Variants in SERPINA3 observed in about 807,000 individuals in gnomAD.
The protein encoded by SERPINA3 is alpha-1-antichymotrypsin.
A neutral mutation model predicts 26.8 loss-of-function variants in SERPINA3; 32 were observed. That is an observed-to-expected ratio of 1.20 (90% CI 0.90 to 1.61). SERPINA3 has a LOEUF of 1.61. SERPINA3 is among the 40% of genes most tolerant of loss of function. SERPINA3 has a pLI of 0.00. For missense variants in SERPINA3, 632 were observed against 517.9 expected, an observed-to-expected ratio of 1.22 and a Z score of -2.14; for synonymous variants, 252 against 206.4, an observed-to-expected ratio of 1.22 and a Z score of -1.89.
chr14:94,616,527 G>A (rs1168243681), intron 2 of SERPINA3, among the ~76,000 whole-genome samples: 1 of 152,124 alleles, frequency 6.6e-6, no homozygotes, highest in Non-Finnish European at 1.5e-5. Flanking sequence ...TCAGAACCCT[G>A]GAGTGCTTGT....
intron 3 of SERPINA3, among the ~76,000 whole-genome samples, chr14:94,620,354 G>A (rs573076067): frequency 1.3e-5 from 2 of 152,334 alleles, no homozygotes; most frequent in South Asian, 4.1e-4. Context: ...AGGATGAAGA[G>A]TGCGCTGGCA....
Position 94,623,986 on chromosome 14 carries a change from A to G in SERPINA3, c.*172A>G, listed in dbSNP as rs1221455946. On this transcript the variant is annotated 3_prime_UTR_variant, in exon 5 of 5. Coordinates refer to ENST00000393078, the MANE Select transcript of SERPINA3 (RefSeq NM_001085.5). Reference sequence around the variant, plus strand: ...TTCCCTGTGTAGCTCTCACATGCACAGGGGCCCATGGACTCTTCAGTCTGG... The same window carrying G: ...TTCCCTGTGTAGCTCTCACATGCACGGGGGCCCATGGACTCTTCAGTCTGG... The G allele has an allele frequency of 7.3e-6, 5 of 687,520 alleles. No individual in the cohort carries two copies. Among genetic ancestry groups the G allele is most frequent in the Non-Finnish European group, 1.3e-5 (5 of 381,442 alleles). 42.6% of individuals were successfully genotyped at this position (687,520 alleles called of 1,614,324 possible). A position where few individuals can be genotyped will look rare whatever the true frequency, so the allele number is the denominator to read the frequency against.
At chr14:94,619,843 A>G (rs982276282) in intron 3 of SERPINA3, 5 of 332,606 alleles carry the variant, frequency 1.5e-5, no homozygotes, top group African/African-American at 2.1e-5. Flanking sequence ...TCAGTTCTGC[A>G]CTGGTGAACC....
At chr14:94,618,757 GC>G (rs1269634630) in intron 2 of SERPINA3, 1 of 261,132 alleles carries the variant, frequency 3.8e-6, no homozygotes, top group African/African-American at 2.2e-5. Flanking sequence ...TCCACCCAAA[GC>G]CCTCCCACAA....
rs970400542 is a variant in SERPINA3 at position 94,619,099 on chromosome 14, A to G, written c.644-96A>G. On this transcript the variant is annotated intron_variant, in intron 2 of 4. Coordinates refer to ENST00000393078, the MANE Select transcript of SERPINA3 (RefSeq NM_001085.5). ...TCTAAACCAAAGCAGGGTCCCTCCTATGAGGGACTCTGGGCACTTCCACTG... is the reference window on the plus strand; with the variant it reads ...TCTAAACCAAAGCAGGGTCCCTCCTGTGAGGGACTCTGGGCACTTCCACTG... 4.2e-6 allele frequency: 6 copies of G among 1,422,922 alleles called. No individual in the cohort carries two copies. In the Admixed American group the frequency reaches 5.0e-5, roughly 12 times the overall value. 88.1% of individuals were successfully genotyped at this position (1,422,922 alleles called of 1,614,324 possible). A position where few individuals can be genotyped will look rare whatever the true frequency, so the allele number is the denominator to read the frequency against.
In SERPINA3 at chr14:94,619,075, C is replaced by G. The variant is rs572907933; in HGVS notation, c.644-120C>G. 25 of 1,187,514 alleles carry G rather than the reference C, an allele frequency of 2.1e-5. No individual in the cohort carries two copies. In the South Asian group the frequency reaches 2.8e-4, roughly 13 times the overall value. The allele number at this position is 1,187,514 out of a possible 1,614,324, so 73.6% of individuals were successfully genotyped here. On this transcript the variant is annotated intron_variant, in intron 2 of 4. Transcript: ENST00000393078. ...CTTTTACTCTTGCCAAGCTACTTCT[C>G]TAAACCAAAGCAGGGTCCCTCCTAT...
At chr14:94,613,927 A>G (rs1345980374) in intron 1 of SERPINA3, 1 of 165,392 alleles carries the variant, frequency 6.0e-6, no homozygotes, top group Non-Finnish European at 1.3e-5. Flanking sequence ...AGAGGCTGGG[A>G]GAGTCACTGT....
rs564812290 is a variant in SERPINA3 at position 94,616,151 on chromosome 14, G to A, written c.643+1067G>A. Among the ~76,000 whole-genome samples the A allele has an allele frequency of 1.1e-4, 16 of 152,272 alleles. No individual in the cohort carries two copies. In the East Asian group the frequency reaches 3.1e-3, roughly 29 times the overall value. On this transcript the variant is annotated intron_variant, in intron 2 of 4. Coordinates refer to ENST00000393078, the MANE Select transcript of SERPINA3 (RefSeq NM_001085.5). Reference sequence around the variant, plus strand: ...CTCGCCTCCTACTACCTAGCCCTATGCTAGGACTCTCCCCTCCAGGACACA... The same window carrying A: ...CTCGCCTCCTACTACCTAGCCCTATACTAGGACTCTCCCCTCCAGGACACA...
intron 3 of SERPINA3, among the ~76,000 whole-genome samples, chr14:94,621,803 A>G (rs995039324): frequency 6.6e-6 from 1 of 152,086 alleles, no homozygotes; most frequent in Non-Finnish European, 1.5e-5. Context: ...CCTCCCTGAA[A>G]CACTGAGATC....
In SERPINA3 at chr14:94,622,496, G is replaced by T. The variant is rs1438750053; in HGVS notation, c.1068+5G>T. The T allele has an allele frequency of 6.2e-7, 1 of 1,613,896 alleles. No individual in the cohort carries two copies. Among genetic ancestry groups the T allele is most frequent in the African/African-American group, 1.3e-5 (1 of 74,940 alleles). ...AGGAACCTAGCAGTCTCCCAGGTGA[G>T]TCTTTAGACTTGGGTCAATTCATCC... On this transcript the variant is annotated splice_donor_5th_base_variant and intron_variant, in intron 4 of 4. Transcript: ENST00000393078.
chr14:94,615,087 G>T lies in SERPINA3; in HGVS notation c.643+3G>T. ...GGTGAATTACATCTTCTTTAAAGGT[G>T]AGTGTGCCTGGCTTGGGGTTCAGAA... On this transcript the variant is annotated splice_donor_region_variant and intron_variant, in intron 2 of 4. Coordinates refer to ENST00000393078, the MANE Select transcript of SERPINA3 (RefSeq NM_001085.5). 1 of 1,613,682 alleles carries T rather than the reference G, an allele frequency of 6.2e-7. No individual in the cohort carries two copies. Among genetic ancestry groups the T allele is most frequent in the Non-Finnish European group, 8.5e-7 (1 of 1,180,034 alleles).
chr14:94,621,463 G>T (rs2402482), intron 3 of SERPINA3, among the ~76,000 whole-genome samples: 64,952 of 151,998 alleles, frequency 0.43, 15,090 homozygotes, highest in African/African-American at 0.62. Flanking sequence ...TCCTCCTTCA[G>T]GGGACTCAGA....
chr14:94,617,275 G>A (rs980619693), intron 2 of SERPINA3, among the ~76,000 whole-genome samples: 2 of 152,194 alleles, frequency 1.3e-5, no homozygotes, highest in African/African-American at 4.8e-5. Context: ...TTTGTCCCCA[G>A]TCATTCCATG....
At chr14:94,622,650 G>C in intron 4 of SERPINA3, 159 bp downstream of exon 4, 1 of 782,076 alleles carries the variant, frequency 1.3e-6, no homozygotes, top group Non-Finnish European at 2.2e-6. Context: ...AGAAGAGCTA[G>C]GTTACAGCCC....
chr14:94,619,011 C>T (rs1886096195), intron 2 of SERPINA3, 184 bp from the exon 3 acceptor site: 2 of 674,660 alleles, frequency 3.0e-6, no homozygotes, highest in South Asian at 3.4e-5. Flanking sequence ...GGCCCTTTTC[C>T]CAATCCAAGC....
chr14:94,619,358 A>C lies in SERPINA3; in HGVS notation c.807A>C (p.Thr269=). The change falls in exon 3 of 5, where the codon ACA becomes ACC. Residue 269 remains threonine (T), a synonymous_variant. Coordinates refer to ENST00000393078, the MANE Select transcript of SERPINA3 (RefSeq NM_001085.5). ...LSCTVVELKY[T]GNASALFILP... ...GCACCGTGGTGGAGCTGAAGTACAC[A>C]GGCAATGCCAGCGCACTCTTCATCC... 1 of 1,614,194 alleles carries C rather than the reference A, an allele frequency of 6.2e-7. No individual in the cohort carries two copies. The highest frequency in any genetic ancestry group is 8.5e-7 in the Non-Finnish European group (1 of 1,180,036).
At position 94,623,708 on chromosome 14, in the gene SERPINA3, C is replaced by G; in HGVS notation, c.1166C>G (p.Thr389Arg). Residue 389 changes from threonine to arginine, a missense_variant, in exon 5 of 5, where the codon ACA (threonine) becomes AGA (arginine). Thr to Arg is a moderately conservative substitution (Grantham distance 71). Coordinates refer to ENST00000393078, the MANE Select transcript of SERPINA3 (RefSeq NM_001085.5). ...ACCCTCCTTTCTGCATTAGTGGAGA[C>G]AAGGACCATTGTGCGTTTCAACAGG... ...KITLLSALVE[T>R]RTIVRFNRPF... 1.9e-6 allele frequency: 3 copies of G among 1,614,124 alleles called. No homozygotes were observed. Among genetic ancestry groups the G allele is most frequent in the Non-Finnish European group, 2.5e-6 (3 of 1,179,944 alleles).
At chr14:94,618,866 T>G in intron 2 of SERPINA3, 1 of 466,908 alleles carries the variant, frequency 2.1e-6, no homozygotes, top group Admixed American at 3.4e-5. Context: ...CCATTTCTCC[T>G]CAGGCACCAG....
intron 1 of SERPINA3, chr14:94,614,206 G>A: frequency 1.8e-6 from 1 of 570,864 alleles, no homozygotes; most frequent in Non-Finnish European, 3.1e-6. Context: ...TCTGTGCCCG[G>A]CTTTTCCACT....
Sources: allele counts gnomAD v4.1 joint callset (sites outside exome capture counted in the v4.1 genomes callset), GRCh38; gene constraint gnomAD v4.1.1; transcripts MANE v1.5; gene names NCBI Gene and HGNC (gene_info 2026-07-23, HGNC 2026-07-21).